The following GTF3C1 variants were observed in gnomAD, a reference collection of about 807,000 sequenced individuals.
The protein encoded by GTF3C1 is general transcription factor 3C polypeptide 1.
Under a neutral mutation model 226.7 loss-of-function variants are expected in GTF3C1, and 57 were observed. That is an observed-to-expected ratio of 0.25 (90% CI 0.20 to 0.31). The LOEUF (loss-of-function observed/expected upper bound fraction) is 0.31, where lower values mean the gene tolerates loss of function less well. Among genes scored for constraint, GTF3C1 ranks in the 10% least tolerant of loss-of-function variants. The pLI is 1.00. For synonymous variants in GTF3C1, 1,090 were observed against 1,084.8 expected, an observed-to-expected ratio of 1.00 and a Z score of -0.09; for missense variants, 2,217 against 2,776.1, an observed-to-expected ratio of 0.80 and a Z score of 4.53.
rs926212521 is a variant in GTF3C1 at position 27,492,464 on chromosome 16, C to G, written c.3025G>C (p.Asp1009His). The G allele has an allele frequency of 1.2e-6, 2 of 1,613,246 alleles. No individual in the cohort carries two copies. The highest frequency in any genetic ancestry group is 2.2e-5 in the East Asian group (1 of 44,876). Residue 1009 changes from aspartate (D) to histidine (H), a missense_variant, in exon 19 of 37, where the codon GAC becomes CAC. Around this residue, in one of 12 missense-constraint regions of GTF3C1, gnomAD observed 353 missense variants for 411.7 expected, o/e 0.86. Transcript: ENST00000356183. The surrounding 1 kb of genome is among the most constrained non-coding windows in gnomAD (Gnocchi z 5.0). ...CTGCGGGCCAGGTTGTAATGTGGGT[C>G]GCAGATGGTAGTGTCAACAATGACT... Reference protein sequence around the residue: ...NAVIVDTTICDPHYNLARSSR... With the variant: ...NAVIVDTTICHPHYNLARSSR...
chr16:27,544,677 T>G (rs949426045), intron 2 of GTF3C1, among the ~76,000 whole-genome samples: 1 of 151,732 alleles, frequency 6.6e-6, no homozygotes, highest in African/African-American at 2.4e-5. Flanking sequence ...AAAATGATCA[T>G]TTGGATTAGA....
At chr16:27,475,048 G>A (rs779625812) in intron 29 of GTF3C1, among the ~76,000 whole-genome samples, 4 of 152,250 alleles carry the variant, frequency 2.6e-5, no homozygotes, top group African/African-American at 9.6e-5. Flanking sequence ...CAAGCCCAGC[G>A]TGGCATTTTC....
At chr16:27,547,924 G>A (rs1177705709) in intron 1 of GTF3C1, among the ~76,000 whole-genome samples, 1 of 152,068 alleles carries the variant, frequency 6.6e-6, no homozygotes, top group East Asian at 1.9e-4. Context: ...CTTTAAGTAG[G>A]TTAAAAGACT....
At position 27,484,356 on chromosome 16, in the gene GTF3C1, G is replaced by A; in HGVS notation, c.3859-3C>T. 6.2e-7 allele frequency: 1 copy of A among 1,603,410 alleles called. No homozygotes were observed. The highest frequency in any genetic ancestry group is 1.1e-5 in the South Asian group (1 of 90,850). On this transcript the variant is annotated splice_polypyrimidine_tract_variant and splice_region_variant and intron_variant, in intron 24 of 36. Coordinates refer to ENST00000356183, the MANE Select transcript of GTF3C1 (RefSeq NM_001520.4). ...CAGGTGACAAATGGGCCCTTCACCTGGATCAAACACAGAGCCAAGACAAAA... is the reference window on the plus strand; with the variant it reads ...CAGGTGACAAATGGGCCCTTCACCTAGATCAAACACAGAGCCAAGACAAAA...
At chr16:27,527,744 G>A (rs1411484529) in intron 6 of GTF3C1, among the ~76,000 whole-genome samples, 1 of 152,144 alleles carries the variant, frequency 6.6e-6, no homozygotes, top group Admixed American at 6.5e-5. Context: ...GCCCACGCCT[G>A]TAATCCCAGC....
intron 5 of GTF3C1, among the ~76,000 whole-genome samples, chr16:27,533,000 C>T (rs988221674): frequency 3.9e-5 from 6 of 152,040 alleles, no homozygotes; most frequent in Admixed American, 2.0e-4. Flanking sequence ...GGCGTGGTGG[C>T]GGGCACCTGT....
Position 27,483,088 on chromosome 16 carries a change from C to T in GTF3C1, c.4039G>A (p.Val1347Ile). The T allele has an allele frequency of 1.9e-6, 3 of 1,614,226 alleles. No individual in the cohort carries two copies. Among genetic ancestry groups the T allele is most frequent in the South Asian group, 2.2e-5 (2 of 91,082 alleles). The change falls in exon 26 of 37, where the codon GTT becomes ATT. Residue 1347 changes from valine (V) to isoleucine (I), a missense_variant. Val to Ile is a conservative substitution (Grantham distance 29, BLOSUM62 3). Coordinates refer to ENST00000356183, the MANE Select transcript of GTF3C1 (RefSeq NM_001520.4). Reference sequence around the variant, plus strand: ...CCTCTTCGATTCATGAAATCTCCAACAAGTGCTTTATCCTGGTACACCTCG... The same window carrying T: ...CCTCTTCGATTCATGAAATCTCCAATAAGTGCTTTATCCTGGTACACCTCG... The part of the protein sequence containing the change: ...LAEVYQDKAL[V>I]GDFMNRRGDY...
chr16:27,546,604 G>C (rs768629096), intron 1 of GTF3C1, among the ~76,000 whole-genome samples: 1 of 151,294 alleles, frequency 6.6e-6, no homozygotes, highest in African/African-American at 2.4e-5. Flanking sequence ...GCCTTGCAAA[G>C]TGCTAGGATT....
intron 2 of GTF3C1, among the ~76,000 whole-genome samples, chr16:27,541,556 C>A (rs762258458): frequency 5.3e-5 from 8 of 152,186 alleles, no homozygotes; most frequent in Non-Finnish European, 8.8e-5. Context: ...TAAACAAACA[C>A]TTAAAACCAT....
intron 5 of GTF3C1, 105 bp from the exon 6 acceptor site, chr16:27,528,826 T>C: frequency 9.0e-7 from 1 of 1,108,300 alleles, no homozygotes; most frequent in Non-Finnish European, 1.4e-6. Flanking sequence ...ATTAATTGAT[T>C]ATCTTGAGGT....
intron 6 of GTF3C1, among the ~76,000 whole-genome samples, chr16:27,515,949 G>A (rs921817656): frequency 1.1e-4 from 17 of 152,214 alleles, no homozygotes; most frequent in Admixed American, 1.1e-3. Context: ...TCACAGATGC[G>A]GAAGCTAAGG....
intron 16 of GTF3C1, 125 bp downstream of exon 16, chr16:27,494,638 T>C (rs2088287298): frequency 1.5e-6 from 1 of 664,012 alleles, no homozygotes; most frequent in South Asian, 1.9e-5. Context: ...TATCCATCTA[T>C]CCACCAATCC....
chr16:27,535,015 G>A (rs940337056), intron 4 of GTF3C1, among the ~76,000 whole-genome samples: 2 of 151,740 alleles, frequency 1.3e-5, no homozygotes, highest in African/African-American at 2.4e-5. Flanking sequence ...AAATATAGGT[G>A]GATACTACTT....
intron 27 of GTF3C1, among the ~76,000 whole-genome samples, chr16:27,480,494 G>A (rs1358005798): frequency 5.9e-5 from 9 of 152,198 alleles, no homozygotes; most frequent in Admixed American, 5.9e-4. Context: ...TTGAGAGCAA[G>A]GGTGCTGTAC....
chr16:27,485,379 C>T (rs1379720815), intron 24 of GTF3C1, among the ~76,000 whole-genome samples: 3 of 152,216 alleles, frequency 2.0e-5, no homozygotes, highest in East Asian at 1.9e-4. Flanking sequence ...GGACCAGCCA[C>T]GCCGGTGAGC....
At chr16:27,488,532 G>C in intron 22 of GTF3C1, 22 bp downstream of exon 22, 1 of 1,604,392 alleles carries the variant, frequency 6.2e-7, no homozygotes, top group Non-Finnish European at 8.5e-7. Flanking sequence ...TAACTTCTGG[G>C]GTGAACTCCC....
At chr16:27,467,388 A>G (rs2087800069) in intron 32 of GTF3C1, among the ~76,000 whole-genome samples, 1 of 152,224 alleles carries the variant, frequency 6.6e-6, no homozygotes, top group African/African-American at 2.4e-5. Context: ...CCCACTGTAG[A>G]GACCTACTGC....
At position 27,464,310 on chromosome 16, in the gene GTF3C1, C is replaced by T. The variant is rs763153321; in HGVS notation, c.5872+10G>A. ...GGGTGAGGTGGGGTGGGGGACAAGG[C>T]GCGCGGTACCTCTGGGGTCTTCAGA... On this transcript the variant is annotated intron_variant, in intron 34 of 36. Coordinates refer to ENST00000356183, the MANE Select transcript of GTF3C1 (RefSeq NM_001520.4). 28 of 1,446,896 alleles carry T rather than the reference C, an allele frequency of 1.9e-5. No homozygotes were observed. The highest frequency in any genetic ancestry group is 2.7e-5 in the Admixed American group (1 of 37,016). The allele number at this position is 1,446,896 out of a possible 1,614,324, so 89.6% of individuals were successfully genotyped here. A position where few individuals can be genotyped will look rare whatever the true frequency, so the allele number is the denominator to read the frequency against.
In GTF3C1 at chr16:27,493,265, G is replaced by C. The variant is rs1232616911; in HGVS notation, c.2810C>G (p.Pro937Arg). The C allele has an allele frequency of 6.2e-7, 1 of 1,610,356 alleles. No individual in the cohort carries two copies. Among genetic ancestry groups the C allele is most frequent in the African/African-American group, 1.3e-5 (1 of 74,846 alleles). Reference protein sequence around the residue: ...VDNLEEFLNDPLKKHTLIRFL... With the variant: ...VDNLEEFLNDRLKKHTLIRFL... ...GCGGATCAGCGTGTGCTTCTTCAGC[G>C]GGTCGTTCAGAAATTCCTCCAGGTT... is the stretch of plus-strand genomic sequence containing the variant. The change falls in exon 17 of 37, where the codon CCG (proline) becomes CGG (arginine). Residue 937 changes from proline to arginine, a missense_variant. By Grantham distance (103) the Pro-to-Arg change is moderately radical. Transcript: ENST00000356183.
Sources: gnomAD v4.1 joint callset for allele counts (sites outside exome capture counted in the v4.1 genomes callset) on GRCh38, gnomAD v4.1.1 for gene constraint, gnomAD v4.1.1 regional missense constraint, Gnocchi (gnomAD v3.1) non-coding constraint, MANE v1.5 for transcripts, NCBI Gene and HGNC (gene_info 2026-07-23, HGNC 2026-07-21) for gene names.